TUBGCP5: variants seen among roughly 807,000 people sequenced by gnomAD.
TUBGCP5 encodes the protein gamma-tubulin complex component 5.
A neutral mutation model predicts 134.7 loss-of-function variants in TUBGCP5; 98 were observed. The observed-to-expected ratio is 0.73, with a 90% CI of 0.62 to 0.86. TUBGCP5 has a LOEUF of 0.86. Ranked by LOEUF, TUBGCP5 falls within the 40% of genes least tolerant of loss-of-function variation. The pLI is 0.00. For missense variants in TUBGCP5, 1,150 were observed against 1,244.8 expected (o/e 0.92, Z 1.15); for synonymous variants, 456 against 431.4 (o/e 1.06, Z -0.71).
At chr15:23,010,593 T>C (rs1299178061) in intron 14 of TUBGCP5, among the ~76,000 whole-genome samples, 1 of 152,168 alleles carries the variant, frequency 6.6e-6, no homozygotes, top group Non-Finnish European at 1.5e-5. Flanking sequence ...TACCACATGG[T>C]GGCAGGGCCA....
intron 3 of TUBGCP5, 144 bp from the exon 4 acceptor site, chr15:23,032,968 A>G: frequency 2.0e-6 from 1 of 503,736 alleles, no homozygotes; most frequent in East Asian, 3.2e-5. Context: ...AATAATCCTT[A>G]ACCTTCAAAC....
At chr15:23,026,042 T>G in intron 8 of TUBGCP5, 74 bp downstream of exon 8, 1 of 1,243,274 alleles carries the variant, frequency 8.0e-7, no homozygotes. Flanking sequence ...CTTGAAAAGT[T>G]TCCTTTAATA....
Position 23,037,131 on chromosome 15 carries a change from G to C in TUBGCP5, c.168C>G (p.Val56=), listed in dbSNP as rs767377928. 2 of 1,613,382 alleles carry C rather than the reference G, an allele frequency of 1.2e-6. No homozygotes were observed. The highest frequency in any genetic ancestry group is 2.7e-5 in the African/African-American group (2 of 74,858). The change falls in exon 2 of 23, where the codon GTC becomes GTG. Residue 56 remains valine (V), a synonymous_variant. Transcript: ENST00000615383. ...SNFRFHRFLD[V]NSHKIEKTIE... ...TTGTTTTTTCTATTTTGTGGCTGTT[G>C]ACATCCAAGAAACGATGAAATCTAT...
rs546472663 is a variant in TUBGCP5, at chr15:23,023,908, T to G, written c.1168+39A>C. 3 of 1,594,884 alleles carry G rather than the reference T, an allele frequency of 1.9e-6. No homozygotes were observed. The African/African-American group carries it at 4.0e-5, about 21-fold the overall frequency. ...CTCTAAGTGGCATTCAAATTATGAG[T>G]TACGTGTAGTATGAGTAAAGATGAA... On this transcript the variant is annotated intron_variant, in intron 10 of 22. Coordinates refer to ENST00000615383, the MANE Select transcript of TUBGCP5 (RefSeq NM_052903.6).
chr15:23,000,164 C>T, intron 22 of TUBGCP5: 1 of 811,090 alleles, frequency 1.2e-6, no homozygotes, highest in Non-Finnish European at 1.7e-6. Flanking sequence ...CACTCAACCT[C>T]CCAAAGGGCT....
chr15:23,031,521 G>A (rs1251283090), intron 5 of TUBGCP5, among the ~76,000 whole-genome samples: 1 of 152,170 alleles, frequency 6.6e-6, no homozygotes, highest in East Asian at 1.9e-4. Context: ...TCACTATGTT[G>A]CCCAGGCTGC....
At chr15:23,003,639 T>G (rs1052348319) in intron 20 of TUBGCP5, among the ~76,000 whole-genome samples, 1 of 102,050 alleles carries the variant, frequency 9.8e-6, no homozygotes, top group African/African-American at 3.5e-5. Context: ...TCTGTTTTTT[T>G]TTTTTTTTTT....
chr15:22,992,950 A>C (rs1292984072), intron 23 of TUBGCP5, among the ~76,000 whole-genome samples: 13 of 152,172 alleles, frequency 8.5e-5, no homozygotes, highest in Non-Finnish European at 1.9e-4. Context: ...AAGATTTAAA[A>C]AAAAAAGGAG....
intron 1 of TUBGCP5, 98 bp from the exon 2 acceptor site, chr15:23,037,250 G>C (rs2066644008): frequency 8.9e-7 from 1 of 1,128,290 alleles, no homozygotes. Flanking sequence ...TCTGTACTCA[G>C]CTACACATTT....
Position 23,005,481 on chromosome 15 carries a change from A to C in TUBGCP5, c.2663T>G (p.Val888Gly). 1 of 1,614,078 alleles carries C rather than the reference A, an allele frequency of 6.2e-7. No individual in the cohort carries two copies. Among genetic ancestry groups the C allele is most frequent in the Non-Finnish European group, 8.5e-7 (1 of 1,180,008 alleles). Residue 888 changes from valine (V) to glycine (G), a missense_variant, in exon 19 of 23, where the codon GTG (valine) becomes GGG (glycine). By Grantham distance (109) the Val-to-Gly change is moderately radical (BLOSUM62 -3). Around this residue, in one of 2 missense-constraint regions of TUBGCP5, gnomAD observed 697 missense variants for 850.1 expected, o/e 0.82. Coordinates refer to ENST00000615383, the MANE Select transcript of TUBGCP5 (RefSeq NM_052903.6). ...GCTGTTCACGAAATGCATGAGCTTC[A>C]CTCTTAAGAGGAACATGCGATGAAT... ...QQIHRMFLLR[V>G]KLMHFVNSLH...
chr15:23,015,408 G>A (rs1381817170), intron 13 of TUBGCP5, among the ~76,000 whole-genome samples: 4 of 150,444 alleles, frequency 2.7e-5, no homozygotes, highest in Non-Finnish European at 4.4e-5. Context: ...TTGGGAGGCC[G>A]AGGCGGGTGG....
In TUBGCP5 at chr15:23,013,960, A is replaced by C. The variant is rs570881831; in HGVS notation, c.1757-2629T>G. Among the ~76,000 whole-genome samples the C allele has an allele frequency of 6.6e-6, 1 of 152,256 alleles. No individual in the cohort carries two copies. Among genetic ancestry groups the C allele is most frequent in the East Asian group, 1.9e-4 (1 of 5,170 alleles). On this transcript the variant is annotated intron_variant, in intron 13 of 22. Coordinates refer to ENST00000615383, the MANE Select transcript of TUBGCP5 (RefSeq NM_052903.6). The surrounding 1 kb of genome is among the most constrained non-coding windows in gnomAD (Gnocchi z 4.5). ...GAACACCACAACCCCAGCTATGTGG[A>C]GCCTGGGCCCAGGATCGACTGGTGA...
chr15:22,990,895 C>T (rs893900294), intron 23 of TUBGCP5, among the ~76,000 whole-genome samples: 2 of 152,162 alleles, frequency 1.3e-5, no homozygotes, highest in Admixed American at 1.3e-4. Flanking sequence ...AGCAGCCACA[C>T]AGCCACAGTC....
intron 13 of TUBGCP5, among the ~76,000 whole-genome samples, chr15:23,011,557 C>T (rs537064534): frequency 8.4e-4 from 126 of 149,258 alleles, no homozygotes; most frequent in African/African-American, 2.8e-3. Flanking sequence ...CAGGCTGGAG[C>T]GCAATGGCGC....
intron 13 of TUBGCP5, among the ~76,000 whole-genome samples, chr15:23,012,115 CAAAAAAAA>C (rs1210798007): frequency 1.2e-5 from 1 of 80,838 alleles, no homozygotes; most frequent in African/African-American, 4.0e-5. Context: ...AAACCTGACT[CAAAAAAAA>C]AAAAAAAAAA....
intron 13 of TUBGCP5, 108 bp downstream of exon 13, chr15:23,017,665 G>C: frequency 9.2e-7 from 1 of 1,084,464 alleles, no homozygotes; most frequent in Non-Finnish European, 1.3e-6. Flanking sequence ...CGAAATAAGA[G>C]GGTTTGATGA....
At chr15:23,031,106 A>G (rs953338717) in intron 5 of TUBGCP5, 86 bp from the exon 6 acceptor site, 1 of 1,365,462 alleles carries the variant, frequency 7.3e-7, no homozygotes, top group Non-Finnish European at 9.7e-7. Flanking sequence ...AACTTTGAAG[A>G]AAAGCAAAAA....
intron 2 of TUBGCP5, 38 bp from the exon 3 acceptor site, chr15:23,037,043 A>G: frequency 6.3e-7 from 1 of 1,594,446 alleles, no homozygotes; most frequent in Middle Eastern, 1.8e-4. Context: ...TATCTTAAAA[A>G]GATCTATAAG....
At chr15:23,003,853 A>G (rs1734717025) in intron 20 of TUBGCP5, among the ~76,000 whole-genome samples, 1 of 151,906 alleles carries the variant, frequency 6.6e-6, no homozygotes. Flanking sequence ...GAGTCTTGCT[A>G]TGTTGCCCAG....
Sources: allele counts gnomAD v4.1 joint callset (sites outside exome capture counted in the v4.1 genomes callset), GRCh38; gene constraint gnomAD v4.1.1; regional missense constraint gnomAD v4.1.1; non-coding constraint Gnocchi (gnomAD v3.1); transcripts MANE v1.5; gene names NCBI Gene and HGNC (gene_info 2026-07-23, HGNC 2026-07-21).